The following ARPC5L variants were observed in gnomAD, a reference collection of about 807,000 sequenced individuals.
ARPC5L encodes the protein actin-related protein 2/3 complex subunit 5-like protein.
In ARPC5L, 4 loss-of-function variants were observed where a neutral mutation model predicts 16.9. The observed-to-expected ratio is 0.24, with a 90% confidence interval of 0.12 to 0.54. The LOEUF is 0.54. ARPC5L is among the 20% of genes least tolerant of loss of function. The pLI, the probability that ARPC5L is intolerant of heterozygous loss-of-function variation, is 0.95. For synonymous variants in ARPC5L, 78 were observed against 82.6 expected (o/e 0.94, Z 0.30); for missense variants, 151 against 201.9 (o/e 0.75, Z 1.53).
rs1829456941 is a variant in ARPC5L, at chr9:124,877,215, C to G, written c.*275C>G. On this transcript the variant is annotated 3_prime_UTR_variant, in exon 6 of 6. Transcript: ENST00000353214. ...CGTGGCGGCTGGTGTTGGTCAGATG[C>G]ACCTGTGTGCACTGGGGGAGGGATG... 2 of 387,634 alleles carry G rather than the reference C, an allele frequency of 5.2e-6. No homozygotes were observed. The highest frequency in any genetic ancestry group is 2.1e-5 in the African/African-American group (1 of 46,918). The allele number at this position is 387,634 out of a possible 1,614,324, so 24.0% of individuals were successfully genotyped here.
At chr9:124,864,456 G>A (rs1477716660) in intron 2 of ARPC5L, among the ~76,000 whole-genome samples, 2 of 152,174 alleles carry the variant, frequency 1.3e-5, no homozygotes, top group South Asian at 2.1e-4. Flanking sequence ...CTGCCTCCCA[G>A]GTTCAAGCGA....
At chr9:124,866,979 C>T (rs1217885123) in intron 2 of ARPC5L, among the ~76,000 whole-genome samples, 1 of 152,162 alleles carries the variant, frequency 6.6e-6, no homozygotes, top group African/African-American at 2.4e-5. Flanking sequence ...GTCCTTTCCT[C>T]GGCCTACAGA....
rs1588038525 is a variant in ARPC5L at position 124,862,321 on chromosome 9, C to G, written c.-1061C>G. 1 of 181,658 alleles carries G rather than the reference C, an allele frequency of 5.5e-6. No homozygotes were observed. The highest frequency in any genetic ancestry group is 1.4e-4 in the East Asian group (1 of 7,188). The allele number at this position is 181,658 out of a possible 1,614,324, so 11.3% of individuals were successfully genotyped here. A position where few individuals can be genotyped will look rare whatever the true frequency, so the allele number is the denominator to read the frequency against. Reference sequence around the variant, plus strand: ...CCAATCTGGGCAACTCTGAGCTGGGCGCCAGTAGTCTGGGGGTGCTGACGG... The same window carrying G: ...CCAATCTGGGCAACTCTGAGCTGGGGGCCAGTAGTCTGGGGGTGCTGACGG... On this transcript the variant is annotated 5_prime_UTR_variant, in exon 1 of 6. Coordinates refer to ENST00000353214, the MANE Select transcript of ARPC5L (RefSeq NM_030978.3).
In ARPC5L at chr9:124,862,215, C is replaced by A. The variant is rs1829212166; in HGVS notation, c.-1167C>A. Reference sequence around the variant, plus strand: ...CGAGGCCCAACGTGGGCGGCAGCTACCAGAGATGGCACACGGAGGACTCAA... The same window carrying A: ...CGAGGCCCAACGTGGGCGGCAGCTAACAGAGATGGCACACGGAGGACTCAA... On this transcript the variant is annotated 5_prime_UTR_variant, in exon 1 of 6. Coordinates refer to ENST00000353214, the MANE Select transcript of ARPC5L (RefSeq NM_030978.3). The A allele has an allele frequency of 2.5e-6, 1 of 398,980 alleles. No homozygotes were observed. The highest frequency in any genetic ancestry group is 4.5e-6 in the Non-Finnish European group (1 of 222,198). The allele number at this position is 398,980 out of a possible 1,614,324, so 24.7% of individuals were successfully genotyped here. A position where few individuals can be genotyped will look rare whatever the true frequency, so the allele number is the denominator to read the frequency against.
At chr9:124,874,255 C>T (rs1200245845) in intron 4 of ARPC5L, among the ~76,000 whole-genome samples, 1 of 152,234 alleles carries the variant, frequency 6.6e-6, no homozygotes, top group Non-Finnish European at 1.5e-5. Context: ...TCACCAGTGG[C>T]TGCACCTTCA....
Position 124,869,391 on chromosome 9 carries a change from C to T in ARPC5L, c.101C>T (p.Ala34Val), listed in dbSNP as rs1829321705. 2 of 1,510,750 alleles carry T rather than the reference C, an allele frequency of 1.3e-6. No individual in the cohort carries two copies. Among genetic ancestry groups the T allele is most frequent in the Non-Finnish European group, 1.8e-6 (2 of 1,129,394 alleles). 93.6% of individuals were successfully genotyped at this position (1,510,750 alleles called of 1,614,324 possible). ...VDEQEEAAAA[A>V]AEPGPDPSEV... ...GAGCAGGAGGAGGCGGCGGCGGCGG[C>T]GGCGGAGCCAGGCCCGGACCCGAGC... Residue 34 changes from alanine to valine, a missense_variant, in exon 3 of 6, where the codon GCG becomes GTG. Physicochemically the swap from Ala to Val is moderately conservative, Grantham distance 64. Coordinates refer to ENST00000353214, the MANE Select transcript of ARPC5L (RefSeq NM_030978.3).
chr9:124,870,591 G>A (rs534883438), intron 3 of ARPC5L, among the ~76,000 whole-genome samples: 3 of 152,182 alleles, frequency 2.0e-5, no homozygotes, highest in Non-Finnish European at 4.4e-5. Flanking sequence ...TGTGTTTTCC[G>A]AAGTGGAGAT....
Position 124,876,959 on chromosome 9 carries a change from T to C in ARPC5L, c.*19T>C. 1 of 1,598,480 alleles carries C rather than the reference T, an allele frequency of 6.3e-7. No homozygotes were observed. Among genetic ancestry groups the C allele is most frequent in the South Asian group, 1.1e-5 (1 of 89,302 alleles). ...TGTTTAAAAAAAATAAAAAGACTCA[T>C]GTTACCTTGAGAAGAATTCTGGATG... On this transcript the variant is annotated 3_prime_UTR_variant, in exon 6 of 6. Transcript: ENST00000353214.
At chr9:124,869,577 C>A in intron 3 of ARPC5L, 138 bp downstream of exon 3, 1 of 1,337,186 alleles carries the variant, frequency 7.5e-7, no homozygotes, top group Non-Finnish European at 9.6e-7. Context: ...CAGCTCCCTG[C>A]CGACCCGGCT....
intron 2 of ARPC5L, among the ~76,000 whole-genome samples, chr9:124,867,652 T>A (rs1036008342): frequency 1.3e-5 from 2 of 152,344 alleles, no homozygotes; most frequent in African/African-American, 4.8e-5. Flanking sequence ...TGGGCATTTC[T>A]GGGTTCAAGT....
intron 3 of ARPC5L, 30 bp from the exon 4 acceptor site, chr9:124,873,662 C>T: frequency 1.9e-6 from 3 of 1,613,460 alleles, no homozygotes; most frequent in Non-Finnish European, 2.5e-6. Context: ...TGTGCTTGAG[C>T]CTAGCTATCC....
rs1433572921 is a variant in ARPC5L, at chr9:124,877,527, C to CTACT, written c.*587_*588insTACT. 6.6e-6 allele frequency: 1 copy of CTACT among 152,656 alleles called. No homozygotes were observed. Among genetic ancestry groups the CTACT allele is most frequent in the East Asian group, 1.9e-4 (1 of 5,200 alleles). 9.5% of individuals were successfully genotyped at this position (152,656 alleles called of 1,614,324 possible). Reference sequence around the variant, plus strand: ...CGATGTGGAAGGAGTAGACCTGTGTCCCTGTTGAGCCACCCCTGGGAGCGA... The same window carrying CTACT: ...CGATGTGGAAGGAGTAGACCTGTGTCTACTCCTGTTGAGCCACCCCTGGGAGCGA... On this transcript the variant is annotated 3_prime_UTR_variant, in exon 6 of 6. Transcript: ENST00000353214.
intron 5 of ARPC5L, among the ~76,000 whole-genome samples, chr9:124,876,631 G>A (rs750817758): frequency 1.4e-4 from 21 of 152,174 alleles, no homozygotes; most frequent in Non-Finnish European, 2.6e-4. Flanking sequence ...AGGGAAGCTC[G>A]AGGGCTCTGC....
intron 2 of ARPC5L, among the ~76,000 whole-genome samples, chr9:124,864,430 G>T (rs1829243765): frequency 1.3e-5 from 2 of 151,620 alleles, no homozygotes; most frequent in Admixed American, 1.3e-4. Flanking sequence ...CACAATCTCG[G>T]CTCTCACTGC....
At chr9:124,865,297 CAA>C (rs948229663) in intron 2 of ARPC5L, among the ~76,000 whole-genome samples, 1 of 88,400 alleles carries the variant, frequency 1.1e-5, no homozygotes, top group Non-Finnish European at 2.1e-5. Context: ...GCCTGGGTGA[CAA>C]GAGGGAAACT....
chr9:124,874,840 C>T (rs1564313422), intron 4 of ARPC5L, 135 bp from the exon 5 acceptor site: 5 of 1,035,838 alleles, frequency 4.8e-6, no homozygotes, highest in Admixed American at 4.4e-5. Context: ...CGTTCTAACC[C>T]ACTTATTTTA....
At chr9:124,864,360 G>C (rs999315766) in intron 2 of ARPC5L, among the ~76,000 whole-genome samples, 2 of 151,760 alleles carry the variant, frequency 1.3e-5, no homozygotes, top group African/African-American at 4.8e-5. Context: ...GCTAATCTTT[G>C]TATTTTTGTT....
At chr9:124,863,304 G>A (rs1172541100) in intron 1 of ARPC5L, among the ~76,000 whole-genome samples, 1 of 152,098 alleles carries the variant, frequency 6.6e-6, no homozygotes, top group African/African-American at 2.4e-5. Flanking sequence ...ACAGGTGTGT[G>A]CCACTACACC....
Position 124,875,043 on chromosome 9 carries a change from G to T in ARPC5L, c.291G>T (p.Val97=). ...AGAGCAGTGAGATTGAGCAGGCTGTGCAGTCACTGGACAGAAACGGCGTTG... is the reference window on the plus strand; with the variant it reads ...AGAGCAGTGAGATTGAGCAGGCTGTTCAGTCACTGGACAGAAACGGCGTTG... The part of the protein sequence containing the change: ...NFKSSEIEQA[V]QSLDRNGVDL... Residue 97 remains valine (V), a synonymous_variant, in exon 5 of 6, where the codon GTG becomes GTT. Coordinates refer to ENST00000353214, the MANE Select transcript of ARPC5L (RefSeq NM_030978.3). 2 of 1,614,092 alleles carry T rather than the reference G, an allele frequency of 1.2e-6. No homozygotes were observed. Among genetic ancestry groups the T allele is most frequent in the South Asian group, 2.2e-5 (2 of 91,080 alleles).
Sources: allele counts gnomAD v4.1 joint callset (sites outside exome capture counted in the v4.1 genomes callset), GRCh38; gene constraint gnomAD v4.1.1; transcripts MANE v1.5; gene names NCBI Gene and HGNC (gene_info 2026-07-23, HGNC 2026-07-21).